The following LSAMP variants were observed in gnomAD, a reference collection of about 807,000 sequenced individuals.
LSAMP encodes limbic system-associated membrane protein.
Under a neutral mutation model 38.6 loss-of-function variants are expected in LSAMP, and 7 were observed. That is an observed-to-expected ratio of 0.18 (90% CI 0.10 to 0.34). The LOEUF is 0.34. Among genes scored for constraint, LSAMP ranks in the 10% least tolerant of loss-of-function variants. The pLI is 1.00. For synonymous variants in LSAMP, 154 were observed against 166.8 expected, an observed-to-expected ratio of 0.92 and a Z score of 0.59; for missense variants, 313 against 420.0, an observed-to-expected ratio of 0.75 and a Z score of 2.23.
At chr3:116,254,313 AC>A (rs1200225459) in intron 1 of LSAMP, among the ~76,000 whole-genome samples, 2 of 152,082 alleles carry the variant, frequency 1.3e-5, no homozygotes, top group Non-Finnish European at 2.9e-5. Context: ...AATTTCACTC[AC>A]CACTGCCTAC....
intron 3 of LSAMP, among the ~76,000 whole-genome samples, chr3:115,893,883 C>T (rs1372535226): frequency 1.3e-5 from 2 of 151,870 alleles, no homozygotes; most frequent in Non-Finnish European, 2.9e-5. Flanking sequence ...GATAGATGAC[C>T]GTGCTGGGAA....
Position 115,808,026 on chromosome 3 carries a change from AT to A in LSAMP, c.*2290del, listed in dbSNP as rs1219592038. The A allele has an allele frequency of 2.0e-5, 3 of 151,902 alleles. No individual in the cohort carries two copies. Among genetic ancestry groups the A allele is most frequent in the Non-Finnish European group, 4.4e-5 (3 of 67,936 alleles). The allele number at this position is 151,902 out of a possible 1,614,324, so 9.4% of individuals were successfully genotyped here. A position where few individuals can be genotyped will look rare whatever the true frequency, so the allele number is the denominator to read the frequency against. Reference sequence around the variant, plus strand: ...CAAACAATAAAATCCCTTAGAAGAAATTGAAGAAATTAACAATGCTACTTAG... The same window carrying A: ...CAAACAATAAAATCCCTTAGAAGAAATGAAGAAATTAACAATGCTACTTAG... On this transcript the variant is annotated 3_prime_UTR_variant, in exon 7 of 7. Transcript: ENST00000490035.
intron 1 of LSAMP, among the ~76,000 whole-genome samples, chr3:116,087,635 A>G (rs913346936): frequency 6.6e-6 from 1 of 152,202 alleles, no homozygotes; most frequent in African/African-American, 2.4e-5. Flanking sequence ...GCACCACAGC[A>G]GGACTATTAA....
At chr3:115,867,248 T>G (rs1389082810) in intron 3 of LSAMP, among the ~76,000 whole-genome samples, 1 of 152,132 alleles carries the variant, frequency 6.6e-6, no homozygotes, top group Non-Finnish European at 1.5e-5. Flanking sequence ...TGGAATATTT[T>G]CAATAAATTC....
chr3:116,158,517 T>C (rs1255137776), intron 1 of LSAMP, among the ~76,000 whole-genome samples: 2 of 152,140 alleles, frequency 1.3e-5, no homozygotes, highest in Admixed American at 6.5e-5. Flanking sequence ...ACAAAATTAA[T>C]GTATACAAAT....
intron 1 of LSAMP, among the ~76,000 whole-genome samples, chr3:116,139,739 G>A (rs949308750): frequency 5.3e-5 from 8 of 151,802 alleles, no homozygotes; most frequent in African/African-American, 1.9e-4. Context: ...AATGCTTCTC[G>A]TGATGCCTGC....
chr3:116,158,547 C>T (rs1709811080), intron 1 of LSAMP, among the ~76,000 whole-genome samples: 1 of 152,070 alleles, frequency 6.6e-6, no homozygotes, highest in Non-Finnish European at 1.5e-5. Flanking sequence ...CATTTATATA[C>T]ACCAACAACA....
At chr3:116,013,283 T>G (rs907871411) in intron 3 of LSAMP, among the ~76,000 whole-genome samples, 4 of 152,232 alleles carry the variant, frequency 2.6e-5, no homozygotes, top group African/African-American at 9.6e-5. Context: ...TCAGTTACTG[T>G]GAGCATCTCC....
intron 3 of LSAMP, among the ~76,000 whole-genome samples, chr3:115,923,253 C>A (rs2107526520): frequency 6.6e-6 from 1 of 152,292 alleles, no homozygotes; most frequent in East Asian, 1.9e-4. Context: ...ACTCACATTC[C>A]ACTTTTCCTT....
At chr3:116,033,136 A>G (rs968341137) in intron 2 of LSAMP, among the ~76,000 whole-genome samples, 3 of 152,180 alleles carry the variant, frequency 2.0e-5, no homozygotes, top group African/African-American at 7.2e-5. Context: ...CAATTTTGCA[A>G]TGGAAATTAG....
intron 3 of LSAMP, among the ~76,000 whole-genome samples, chr3:115,988,986 C>T (rs1037882284): frequency 7.9e-5 from 12 of 152,000 alleles, no homozygotes; most frequent in African/African-American, 2.7e-4. Flanking sequence ...AAAACCATAG[C>T]GTTTTTCTAA....
chr3:116,341,072 T>TAATG (rs1411220730), intron 1 of LSAMP, among the ~76,000 whole-genome samples: 1 of 151,996 alleles, frequency 6.6e-6, no homozygotes, highest in African/African-American at 2.4e-5. Context: ...ATAGCTAAGG[T>TAATG]AATGACATTT....
In LSAMP at chr3:116,381,755, G is replaced by T. The variant is rs564697274; in HGVS notation, c.155+63122C>A. ...TCTTACTTTCATAAAGTTGACTACC[G>T]CAGAGACCACCTTTTAGATGTGGAC... On this transcript the variant is annotated intron_variant, in intron 1 of 6. Coordinates refer to ENST00000490035, the MANE Select transcript of LSAMP (RefSeq NM_002338.5). 4.6e-5 allele frequency among the ~76,000 whole-genome samples: 7 copies of T among 152,072 alleles called. No homozygotes were observed. The South Asian group carries it at 1.5e-3, about 32-fold the overall frequency.
At chr3:116,378,374 A>G (rs1339621997) in intron 1 of LSAMP, among the ~76,000 whole-genome samples, 2 of 152,068 alleles carry the variant, frequency 1.3e-5, no homozygotes, top group Non-Finnish European at 2.9e-5. Flanking sequence ...TGCAAAAAAT[A>G]ATTTCCCAGA....
chr3:116,390,189 G>A (rs184314117), intron 1 of LSAMP, among the ~76,000 whole-genome samples: 15 of 151,572 alleles, frequency 9.9e-5, no homozygotes, highest in Admixed American at 2.0e-4. Flanking sequence ...AGCAACATTC[G>A]TGGATAGCAA....
At chr3:116,269,148 A>G (rs545712312) in intron 1 of LSAMP, among the ~76,000 whole-genome samples, 6 of 152,054 alleles carry the variant, frequency 3.9e-5, no homozygotes, top group Non-Finnish European at 8.8e-5. Flanking sequence ...TACTCTCTCA[A>G]TTATGGCTTC....
At chr3:115,898,682 A>C (rs1936792960) in intron 3 of LSAMP, among the ~76,000 whole-genome samples, 1 of 151,776 alleles carries the variant, frequency 6.6e-6, no homozygotes, top group African/African-American at 2.4e-5. Context: ...AGACTCACCT[A>C]GTACCCAGCC....
chr3:116,178,644 C>T (rs956366719), intron 1 of LSAMP, among the ~76,000 whole-genome samples: 3 of 152,108 alleles, frequency 2.0e-5, no homozygotes, highest in Non-Finnish European at 1.5e-5. Flanking sequence ...AACAGATAAT[C>T]TGCACCTCTT....
At chr3:116,250,544 G>T (rs2046666961) in intron 1 of LSAMP, among the ~76,000 whole-genome samples, 1 of 151,926 alleles carries the variant, frequency 6.6e-6, no homozygotes, top group Admixed American at 6.6e-5. Context: ...AATGTCTAAG[G>T]TTGTGATTTA....
Sources: gnomAD v4.1 joint callset for allele counts (sites outside exome capture counted in the v4.1 genomes callset) on GRCh38, gnomAD v4.1.1 for gene constraint, MANE v1.5 for transcripts, NCBI Gene and HGNC (gene_info 2026-07-23, HGNC 2026-07-21) for gene names.